Variants in UNC13B observed in about 807,000 individuals in gnomAD.
UNC13B encodes the protein protein unc-13 homolog B.
UNC13B carries 144 observed loss-of-function variants against 211.0 expected under a neutral mutation model. The observed-to-expected ratio is 0.68, with a 90% CI of 0.60 to 0.78. UNC13B has a LOEUF of 0.78. Ranked by LOEUF, UNC13B falls within the 30% of genes least tolerant of loss-of-function variation. UNC13B has a pLI of 0.00. For synonymous variants in UNC13B, 709 were observed against 725.8 expected, an observed-to-expected ratio of 0.98 and a Z score of 0.37; for missense variants, 1,777 against 2,002.0, an observed-to-expected ratio of 0.89 and a Z score of 2.14.
intron 3 of UNC13B, among the ~76,000 whole-genome samples, chr9:35,232,585 G>T (rs555582320): frequency 6.6e-6 from 1 of 152,088 alleles, no homozygotes; most frequent in South Asian, 2.1e-4. Context: ...TGAATAGAAG[G>T]TATTCAGGAA....
At chr9:35,216,328 C>T (rs921437548) in intron 1 of UNC13B, among the ~76,000 whole-genome samples, 2 of 152,150 alleles carry the variant, frequency 1.3e-5, no homozygotes, top group African/African-American at 4.8e-5. Flanking sequence ...GTATGTAAAA[C>T]AAACATAGGA....
chr9:35,377,630 T>C lies in UNC13B; in HGVS notation c.9998T>C (p.Met3333Thr), dbSNP rs1834516624. The change falls in exon 16 of 40, where the codon ATG (methionine) becomes ACG (threonine). Residue 3333 changes from methionine to threonine, a missense_variant. Physicochemically the swap from Met to Thr is moderately conservative, Grantham distance 81. Coordinates refer to ENST00000635942, the MANE Select transcript of UNC13B (RefSeq NM_001371189.2). ...TVNKAAHVQQ[M>T]KTVKQSVLDG... is the part of the protein sequence containing the mutation. ...AACAAAGCTGCCCATGTGCAGCAGA[T>C]GAAAACAGTGAAGCAGAGTGTACTG... 2.5e-6 allele frequency: 4 copies of C among 1,614,128 alleles called. No homozygotes were observed.
At chr9:35,377,758 A>G in intron 16 of UNC13B, 63 bp downstream of exon 16, 1 of 1,530,952 alleles carries the variant, frequency 6.5e-7, no homozygotes, top group African/African-American at 1.4e-5. Context: ...ACTGGGGAAG[A>G]AACATCCTGA....
intron 2 of UNC13B, among the ~76,000 whole-genome samples, chr9:35,228,269 C>A (rs1824971523): frequency 6.6e-6 from 1 of 151,890 alleles, no homozygotes; most frequent in Non-Finnish European, 1.5e-5. Context: ...TTTGATATAC[C>A]TTTTCCGACT....
rs528741269 is a variant in UNC13B, at chr9:35,376,863, A to C, written c.9836-605A>C. Among the ~76,000 whole-genome samples the C allele has an allele frequency of 5.3e-5, 8 of 152,248 alleles. 1 individual carries two copies. The South Asian group carries it at 1.7e-3, about 32-fold the overall frequency. ...AAAGCAACAAGTTCTTGTTAGAGGAAATGGTAGCGCTCAAAGTTCATATCT... is the reference window on the plus strand; with the variant it reads ...AAAGCAACAAGTTCTTGTTAGAGGACATGGTAGCGCTCAAAGTTCATATCT... On this transcript the variant is annotated intron_variant, in intron 15 of 39. Transcript: ENST00000635942.
At chr9:35,231,084 C>T in intron 2 of UNC13B, 36 bp from the exon 3 acceptor site, 1 of 1,381,430 alleles carries the variant, frequency 7.2e-7, no homozygotes. Context: ...AATCTGAGCA[C>T]TAAGTATTAT....
chr9:35,290,959 C>A, intron 7 of UNC13B: 1 of 1,086,014 alleles, frequency 9.2e-7, no homozygotes, highest in Non-Finnish European at 1.3e-6. Context: ...GTGAGGTAGG[C>A]TTAAGTAAGG....
At chr9:35,401,349 C>G (rs1032188974) in intron 37 of UNC13B, among the ~76,000 whole-genome samples, 2 of 152,152 alleles carry the variant, frequency 1.3e-5, no homozygotes, top group Non-Finnish European at 2.9e-5. Context: ...GCTCTATTCC[C>G]CATCTGTTCT....
At chr9:35,217,523 G>C (rs1049346374) in intron 1 of UNC13B, among the ~76,000 whole-genome samples, 1 of 151,786 alleles carries the variant, frequency 6.6e-6, no homozygotes, top group Non-Finnish European at 1.5e-5. Context: ...CGAGTAGCTG[G>C]GACTACAGGG....
rs756122813 is a variant in UNC13B at position 35,162,272 on chromosome 9, C to T, written c.-12C>T. On this transcript the variant is annotated 5_prime_UTR_variant, in exon 1 of 40. Transcript: ENST00000635942. ...GGCTGGGGCGCGGCAGAGGCTTGCC[C>T]GATCCTCGGCCATGTCACTGCTCTG... is the stretch of plus-strand genomic sequence containing the variant. The T allele has an allele frequency of 6.5e-7, 1 of 1,540,874 alleles. No individual in the cohort carries two copies. The highest frequency in any genetic ancestry group is 2.5e-5 in the East Asian group (1 of 40,770).
At chr9:35,214,867 C>T (rs1001806998) in intron 1 of UNC13B, among the ~76,000 whole-genome samples, 1 of 152,184 alleles carries the variant, frequency 6.6e-6, no homozygotes, top group African/African-American at 2.4e-5. Flanking sequence ...GTAAAATAGA[C>T]ATTTCAGACA....
intron 7 of UNC13B, among the ~76,000 whole-genome samples, chr9:35,290,314 A>G (rs533025726): frequency 6.6e-5 from 10 of 151,862 alleles, no homozygotes; most frequent in African/African-American, 2.4e-4. Flanking sequence ...CTCTCTCAGA[A>G]CACCATCATT....
intron 7 of UNC13B, among the ~76,000 whole-genome samples, chr9:35,275,816 C>T (rs971138264): frequency 5.9e-5 from 9 of 152,094 alleles, no homozygotes; most frequent in African/African-American, 1.7e-4. Flanking sequence ...TGGTCTTGAA[C>T]TCCTGACATC....
chr9:35,397,489 G>T, intron 29 of UNC13B, 146 bp from the exon 30 acceptor site: 2 of 1,272,590 alleles, frequency 1.6e-6, no homozygotes, highest in Non-Finnish European at 2.2e-6. Flanking sequence ...TTCTGTGGTT[G>T]AGAGAGAGCT....
intron 1 of UNC13B, among the ~76,000 whole-genome samples, chr9:35,207,345 G>A (rs1218815336): frequency 6.6e-6 from 1 of 151,804 alleles, no homozygotes; most frequent in African/African-American, 2.4e-5. Context: ...CTGCAACCTT[G>A]AACTTCTGGG....
At chr9:35,397,597 A>T (rs1835968880) in intron 29 of UNC13B, 38 bp from the exon 30 acceptor site, 1 of 1,590,930 alleles carries the variant, frequency 6.3e-7, no homozygotes, top group Admixed American at 1.7e-5. Flanking sequence ...AAGAGCTAAG[A>T]GTTCCCTTTC....
intron 30 of UNC13B, 111 bp downstream of exon 30, chr9:35,397,823 T>C (rs1244487788): frequency 2.7e-6 from 3 of 1,122,084 alleles, no homozygotes; most frequent in Non-Finnish European, 3.9e-6. Context: ...TGATGCCTGA[T>C]TCCCACCATG....
intron 1 of UNC13B, among the ~76,000 whole-genome samples, chr9:35,196,339 G>C (rs912551511): frequency 6.6e-6 from 1 of 152,212 alleles, no homozygotes; most frequent in Non-Finnish European, 1.5e-5. Flanking sequence ...GCTAGAACAA[G>C]GCAAGTTAGC....
chr9:35,239,874 T>C (rs527358832), intron 5 of UNC13B, among the ~76,000 whole-genome samples: 1 of 152,338 alleles, frequency 6.6e-6, no homozygotes, highest in African/African-American at 2.4e-5. Flanking sequence ...TCTCTCTTTT[T>C]CCCTGAACAT....
Sources: allele counts gnomAD v4.1 joint callset (sites outside exome capture counted in the v4.1 genomes callset), GRCh38; gene constraint gnomAD v4.1.1; transcripts MANE v1.5; gene names NCBI Gene and HGNC (gene_info 2026-07-23, HGNC 2026-07-21).